The following ZNF678 variants were observed in gnomAD, a reference collection of about 807,000 sequenced individuals.
ZNF678 encodes zinc finger protein 678.
A neutral mutation model predicts 3.0 loss-of-function variants in ZNF678; 5 were observed. The observed-to-expected ratio is 1.69, with a 90% confidence interval of 0.88 to 3.56. The LOEUF (loss-of-function observed/expected upper bound fraction) is 3.56. Ranked by LOEUF, ZNF678 falls within the 30% of genes most tolerant of loss-of-function variation. The pLI is 0.00. For missense variants in ZNF678, 593 were observed against 605.0 expected, an observed-to-expected ratio of 0.98 and a Z score of 0.21; for synonymous variants, 218 against 199.6, an observed-to-expected ratio of 1.09 and a Z score of -0.78.
At chr1:227,662,946 G>A (rs1313562123), downstream of ZNF678, among the ~76,000 whole-genome samples, 3 of 152,216 alleles carry the variant, frequency 2.0e-5, no homozygotes, top group African/African-American at 4.8e-5. Context: ...CAGTGCCTCA[G>A]AATGGGAATA....
chr1:227,679,415 A>G (rs1156582007), downstream of ZNF678, among the ~76,000 whole-genome samples: 1 of 152,144 alleles, frequency 6.6e-6, no homozygotes, highest in Non-Finnish European at 1.5e-5. Flanking sequence ...TGGTTATGTT[A>G]TCTATAGATT....
intron 1 of ZNF678, among the ~76,000 whole-genome samples, chr1:227,627,320 C>T (rs1307613259): frequency 2.6e-5 from 4 of 151,998 alleles, no homozygotes; most frequent in Non-Finnish European, 4.4e-5. Context: ...GAAACTATGT[C>T]CTCATGAGGT....
At chr1:227,653,525 A>G (rs997919479) in intron 3 of ZNF678, among the ~76,000 whole-genome samples, 10 of 151,940 alleles carry the variant, frequency 6.6e-5, no homozygotes, top group African/African-American at 2.4e-4. Context: ...TGTTACCCTG[A>G]TAACTTTGCA....
At chr1:227,590,583 A>G (rs1657387350) in intron 1 of ZNF678, among the ~76,000 whole-genome samples, 1 of 151,740 alleles carries the variant, frequency 6.6e-6, no homozygotes, top group Admixed American at 6.6e-5. Context: ...TTAATTATCT[A>G]TGGCTATGCT....
At chr1:227,596,482 CTA>C in intron 1 of ZNF678, among the ~76,000 whole-genome samples, 1 of 152,322 alleles carries the variant, frequency 6.6e-6, no homozygotes, top group South Asian at 2.1e-4. Flanking sequence ...TGTCTGGAAT[CTA>C]TAGATAACAT....
intron 1 of ZNF678, among the ~76,000 whole-genome samples, chr1:227,644,303 G>A (rs1189487994): frequency 6.6e-6 from 1 of 152,224 alleles, no homozygotes; most frequent in Non-Finnish European, 1.5e-5. Context: ...CTCACATAAT[G>A]TGAGGTTCCC....
chr1:227,563,958 T>A (rs923694374), intron 1 of ZNF678, among the ~76,000 whole-genome samples: 1 of 152,200 alleles, frequency 6.6e-6, no homozygotes, highest in African/African-American at 2.4e-5. Flanking sequence ...GTGTGCTTTG[T>A]CCAGAGGGGA....
chr1:227,610,760 C>G (rs147996529), intron 1 of ZNF678, among the ~76,000 whole-genome samples: 19 of 152,254 alleles, frequency 1.2e-4, no homozygotes, highest in African/African-American at 3.1e-4. Context: ...TTCCAACCCC[C>G]CTAAGGTGAT....
In ZNF678 at chr1:227,646,565, G is replaced by A. The variant is rs370374262; in HGVS notation, c.-142G>A. The stretch of plus-strand genomic sequence containing the variant: ...CCAGGGACTACTGGCATTCAGTGAT[G>A]TGGTCATAGAATTCTCTCCAGAGGA... On this transcript the variant is annotated 5_prime_UTR_variant, in exon 2 of 4. It adds an upstream start codon to the 5' untranslated region. Transcript: ENST00000343776. 2 of 1,371,688 alleles carry A rather than the reference G, an allele frequency of 1.5e-6. No homozygotes were observed. The highest frequency in any genetic ancestry group is 4.5e-5 in the East Asian group (1 of 22,140). The allele number at this position is 1,371,688 out of a possible 1,614,324, so 85.0% of individuals were successfully genotyped here.
chr1:227,596,216 A>T (rs1269781654), intron 1 of ZNF678, among the ~76,000 whole-genome samples: 1 of 152,164 alleles, frequency 6.6e-6, no homozygotes, highest in African/African-American at 2.4e-5. Context: ...CTGCATAAGG[A>T]GCTGCCGCAA....
intron 1 of ZNF678, among the ~76,000 whole-genome samples, chr1:227,593,088 T>G (rs1423170159): frequency 6.6e-6 from 1 of 152,224 alleles, no homozygotes; most frequent in Non-Finnish European, 1.5e-5. Flanking sequence ...GGTGCCGGAC[T>G]TCAGGATATG....
Position 227,654,424 on chromosome 1 carries a change from C to G in ZNF678, c.174C>G (p.Ser58Arg), listed in dbSNP as rs1571916854. 3 of 1,612,644 alleles carry G rather than the reference C, an allele frequency of 1.9e-6. No individual in the cohort carries two copies. Among genetic ancestry groups the G allele is most frequent in the Non-Finnish European group, 2.5e-6 (3 of 1,179,268 alleles). The change falls in exon 4 of 4, where the codon AGC becomes AGG. Residue 58 changes from serine (S) to arginine (R), a missense_variant. Coordinates refer to ENST00000343776, the MANE Select transcript of ZNF678 (RefSeq NM_001367909.1). Reference protein sequence around the residue: ...CQKVTLTRHRSWGLDNLHLVK... With the variant: ...CQKVTLTRHRRWGLDNLHLVK... ...AAGTGACACTGACAAGACATAGAAGCTGGGGCCTTGACAATTTGCACTTAG... is the reference window on the plus strand; with the variant it reads ...AAGTGACACTGACAAGACATAGAAGGTGGGGCCTTGACAATTTGCACTTAG...
At chr1:227,633,453 T>G (rs1658601471) in intron 1 of ZNF678, among the ~76,000 whole-genome samples, 3 of 152,198 alleles carry the variant, frequency 2.0e-5, no homozygotes, top group South Asian at 4.1e-4. Context: ...TGGTCGGGTG[T>G]GAGCTGAGTT....
At chr1:227,653,165 C>A (rs1659129397) in intron 3 of ZNF678, among the ~76,000 whole-genome samples, 1 of 152,048 alleles carries the variant, frequency 6.6e-6, no homozygotes, top group Non-Finnish European at 1.5e-5. Flanking sequence ...AATGACACAT[C>A]CCTTTTCTGT....
chr1:227,569,263 T>G (rs1272909407), intron 1 of ZNF678, among the ~76,000 whole-genome samples: 1 of 152,204 alleles, frequency 6.6e-6, no homozygotes. Flanking sequence ...GTGCTAAGAT[T>G]ATAGGTGTGA....
intron 1 of ZNF678, among the ~76,000 whole-genome samples, chr1:227,580,167 C>T (rs1657089652): frequency 6.6e-6 from 1 of 152,068 alleles, no homozygotes; most frequent in South Asian, 2.1e-4. Context: ...GCATTGTTTC[C>T]AGCTTTCTGC....
Position 227,658,010 on chromosome 1 carries a change from G to C in ZNF678, c.*2182G>C, listed in dbSNP as rs1396637609. ...TTCATGAAATTTTCTCTATATTCCT[G>C]AGAAATTCTAAGAATAACTTTCATA... On this transcript the variant is annotated 3_prime_UTR_variant, in exon 4 of 4. Coordinates refer to ENST00000343776, the MANE Select transcript of ZNF678 (RefSeq NM_001367909.1). 1 of 151,702 alleles carries C rather than the reference G, an allele frequency of 6.6e-6. No individual in the cohort carries two copies. Among genetic ancestry groups the C allele is most frequent in the African/African-American group, 2.4e-5 (1 of 41,344 alleles). 9.4% of individuals were successfully genotyped at this position (151,702 alleles called of 1,614,324 possible).
At chr1:227,635,539 G>GTGTGTGTGTA (rs1458282836) in intron 1 of ZNF678, among the ~76,000 whole-genome samples, 1 of 151,272 alleles carries the variant, frequency 6.6e-6, no homozygotes, top group African/African-American at 2.4e-5. Context: ...GTGTGTGTGT[G>GTGTGTGTGTA]TGTGTGTGTG....
At chr1:227,619,345 AT>A (rs1658216214) in intron 1 of ZNF678, among the ~76,000 whole-genome samples, 2 of 152,188 alleles carry the variant, frequency 1.3e-5, no homozygotes, top group Admixed American at 6.5e-5. Flanking sequence ...GGAGAAGGTT[AT>A]GGGAGCCCCT....
Sources: gnomAD v4.1 joint callset for allele counts (sites outside exome capture counted in the v4.1 genomes callset) on GRCh38, gnomAD v4.1.1 for gene constraint, MANE v1.5 for transcripts, NCBI Gene and HGNC (gene_info 2026-07-23, HGNC 2026-07-21) for gene names.